ZCCHC3: variants seen among roughly 807,000 people sequenced by gnomAD.
The protein encoded by ZCCHC3 is zinc finger CCHC domain-containing protein 3.
ZCCHC3 carries 20 observed loss-of-function variants against 18.4 expected under a neutral mutation model. That is an observed-to-expected ratio of 1.09 (90% CI 0.76 to 1.58). The LOEUF (loss-of-function observed/expected upper bound fraction) is 1.58. Ranked by LOEUF, ZCCHC3 falls within the 40% of genes most tolerant of loss-of-function variation. The pLI, the probability that ZCCHC3 is intolerant of heterozygous loss-of-function variation, is 0.00. For missense variants in ZCCHC3, 548 were observed against 511.2 expected (o/e 1.07, Z -0.69); for synonymous variants, 310 against 232.7 (o/e 1.33, Z -3.02).
chr20:298,820 T>C lies in ZCCHC3; in HGVS notation c.*22T>C. ...CTAAACACCCGCCTGCCTGCCAGGGTGAACACACAGCCAGCTTATCCCTCT... is the reference window on the plus strand; with the variant it reads ...CTAAACACCCGCCTGCCTGCCAGGGCGAACACACAGCCAGCTTATCCCTCT... On this transcript the variant is annotated 3_prime_UTR_variant, in exon 1 of 1. Coordinates refer to ENST00000500893, the MANE Select transcript of ZCCHC3 (RefSeq NM_033089.7). The C allele has an allele frequency of 6.7e-7, 1 of 1,498,216 alleles. No individual in the cohort carries two copies. Among genetic ancestry groups the C allele is most frequent in the East Asian group, 2.4e-5 (1 of 42,302 alleles). The allele number at this position is 1,498,216 out of a possible 1,614,324, so 92.8% of individuals were successfully genotyped here. A position where few individuals can be genotyped will look rare whatever the true frequency, so the allele number is the denominator to read the frequency against.
Position 297,691 on chromosome 20 carries a change from C to A in ZCCHC3, c.105C>A (p.Arg35=). 7.3e-7 allele frequency: 1 copy of A among 1,365,140 alleles called. No individual in the cohort carries two copies. The highest frequency in any genetic ancestry group is 9.5e-7 in the Non-Finnish European group (1 of 1,056,658). The allele number at this position is 1,365,140 out of a possible 1,614,324, so 84.6% of individuals were successfully genotyped here. A position where few individuals can be genotyped will look rare whatever the true frequency, so the allele number is the denominator to read the frequency against. The change falls in exon 1 of 1, where the codon CGC becomes CGA. Residue 35 remains arginine, a synonymous_variant. Coordinates refer to ENST00000500893, the MANE Select transcript of ZCCHC3 (RefSeq NM_033089.7). The part of the protein sequence containing the change: ...AARGEEADGG[R]EKMGWAQVVK... The stretch of plus-strand genomic sequence containing the variant: ...GGGGCGAGGAGGCCGACGGCGGCCG[C>A]GAGAAGATGGGCTGGGCCCAGGTGG...
In ZCCHC3 at chr20:297,765, C is replaced by T; in HGVS notation, c.179C>T (p.Pro60Leu). The change falls in exon 1 of 1, where the codon CCG (proline) becomes CTG (leucine). Residue 60 changes from proline to leucine, a missense_variant. Pro to Leu is a moderately conservative substitution (Grantham distance 98). Transcript: ENST00000500893. ...GGCGAATTCCGCGAGCCGCGGCCGCCGCGGCGGGAGGAGGAAAGCGGCGGC... is the reference window on the plus strand; with the variant it reads ...GGCGAATTCCGCGAGCCGCGGCCGCTGCGGCGGGAGGAGGAAAGCGGCGGC... ...KKGEFREPRPPRREEESGGGG... is the reference protein window; with the variant it reads ...KKGEFREPRPLRREEESGGGG... The T allele has an allele frequency of 1.5e-6, 2 of 1,377,570 alleles. No individual in the cohort carries two copies. The highest frequency in any genetic ancestry group is 1.9e-6 in the Non-Finnish European group (2 of 1,060,054). 85.3% of individuals were successfully genotyped at this position (1,377,570 alleles called of 1,614,324 possible).
Position 297,756 on chromosome 20 carries a change from C to T in ZCCHC3, c.170C>T (p.Pro57Leu). The T allele has an allele frequency of 1.5e-6, 2 of 1,379,126 alleles. No homozygotes were observed. The highest frequency in any genetic ancestry group is 2.2e-4 in the Middle Eastern group (1 of 4,592). 85.4% of individuals were successfully genotyped at this position (1,379,126 alleles called of 1,614,324 possible). Residue 57 changes from proline to leucine, a missense_variant, in exon 1 of 1, where the codon CCG becomes CTG. Coordinates refer to ENST00000500893, the MANE Select transcript of ZCCHC3 (RefSeq NM_033089.7). ...GAGAAGAAGGGCGAATTCCGCGAGC[C>T]GCGGCCGCCGCGGCGGGAGGAGGAA... ...LAEKKGEFREPRPPRREEESG... is the reference protein window; with the variant it reads ...LAEKKGEFRELRPPRREEESG...
Position 298,923 on chromosome 20 carries a change from C to A in ZCCHC3, c.*125C>A. 1 of 1,123,626 alleles carries A rather than the reference C, an allele frequency of 8.9e-7. No homozygotes were observed. The highest frequency in any genetic ancestry group is 1.2e-6 in the Non-Finnish European group (1 of 832,210). The allele number at this position is 1,123,626 out of a possible 1,614,324, so 69.6% of individuals were successfully genotyped here. A position where few individuals can be genotyped will look rare whatever the true frequency, so the allele number is the denominator to read the frequency against. ...TTTTTAAAACCTACAAGAGACATCT[C>A]TCTATGCCTTCTTAAACCGAGTTTA... On this transcript the variant is annotated 3_prime_UTR_variant, in exon 1 of 1. Coordinates refer to ENST00000500893, the MANE Select transcript of ZCCHC3 (RefSeq NM_033089.7).
In ZCCHC3 at chr20:298,283, C is replaced by A; in HGVS notation, c.697C>A (p.Arg233=). ...GTTCCTACGCGTCTACGAGGAGAAG[C>A]GGGAGCAGGAGGACTGCTGGGAGAA... The part of the protein sequence containing the change: ...ALFLRVYEEK[R]EQEDCWENFV... The change falls in exon 1 of 1, where the codon CGG becomes AGG. Residue 233 remains arginine, a synonymous_variant. Transcript: ENST00000500893. 1 of 839,954 alleles carries A rather than the reference C, an allele frequency of 1.2e-6. No individual in the cohort carries two copies. The highest frequency in any genetic ancestry group is 2.1e-6 in the Non-Finnish European group (1 of 472,124). The allele number at this position is 839,954 out of a possible 1,614,324, so 52.0% of individuals were successfully genotyped here. A position where few individuals can be genotyped will look rare whatever the true frequency, so the allele number is the denominator to read the frequency against.
Position 297,955 on chromosome 20 carries a change from G to A in ZCCHC3, c.369G>A (p.Arg123=). The A allele has an allele frequency of 7.7e-7, 1 of 1,302,826 alleles. No individual in the cohort carries two copies. Among genetic ancestry groups the A allele is most frequent in the Non-Finnish European group, 9.7e-7 (1 of 1,030,520 alleles). The allele number at this position is 1,302,826 out of a possible 1,614,324, so 80.7% of individuals were successfully genotyped here. Residue 123 remains arginine, a synonymous_variant, in exon 1 of 1, where the codon AGG becomes AGA. Coordinates refer to ENST00000500893, the MANE Select transcript of ZCCHC3 (RefSeq NM_033089.7). ...KKKGAAEAGR[R]KKAEAAAAAM... ...AGGGCGCTGCGGAGGCGGGCAGGAG[G>A]AAGAAGGCCGAGGCGGCGGCGGCCG...
In ZCCHC3 at chr20:299,371, G is replaced by C. The variant is rs1439828532; in HGVS notation, c.*573G>C. On this transcript the variant is annotated 3_prime_UTR_variant, in exon 1 of 1. Coordinates refer to ENST00000500893, the MANE Select transcript of ZCCHC3 (RefSeq NM_033089.7). ...TTGTGAAACCAGTGTTGTTAGAAGT[G>C]TATATAATCTGAATCAATAAGCTCT... 1 of 167,102 alleles carries C rather than the reference G, an allele frequency of 6.0e-6. No homozygotes were observed. The highest frequency in any genetic ancestry group is 2.4e-5 in the African/African-American group (1 of 41,446). The allele number at this position is 167,102 out of a possible 1,614,324, so 10.4% of individuals were successfully genotyped here. A position where few individuals can be genotyped will look rare whatever the true frequency, so the allele number is the denominator to read the frequency against.
In ZCCHC3 at chr20:297,832, G is replaced by C; in HGVS notation, c.246G>C (p.Ala82=). 3 of 1,255,786 alleles carry C rather than the reference G, an allele frequency of 2.4e-6. No homozygotes were observed. Among genetic ancestry groups the C allele is most frequent in the Non-Finnish European group, 3.0e-6 (3 of 1,000,600 alleles). 77.8% of individuals were successfully genotyped at this position (1,255,786 alleles called of 1,614,324 possible). A position where few individuals can be genotyped will look rare whatever the true frequency, so the allele number is the denominator to read the frequency against. ...GGCTCGGCGGCCCCGCGGGCCTGGC[G>C]GCGCCGGACCTCGGCGACTTCCCAC... ...SAGLGGPAGL[A]APDLGDFPPA... The change falls in exon 1 of 1, where the codon GCG becomes GCC. Residue 82 remains alanine, a synonymous_variant. Coordinates refer to ENST00000500893, the MANE Select transcript of ZCCHC3 (RefSeq NM_033089.7).
chr20:297,632 C>T lies in ZCCHC3; in HGVS notation c.46C>T (p.Pro16Ser). Reference protein sequence around the residue: ...GAEEERKRGRPQLLPPARPAA... With the variant: ...GAEEERKRGRSQLLPPARPAA... ...GGAGGAAGAGAGGAAACGGGGGCGG[C>T]CGCAGCTTCTGCCCCCCGCGCGGCC... The change falls in exon 1 of 1, where the codon CCG (proline) becomes TCG (serine). Residue 16 changes from proline to serine, a missense_variant. By Grantham distance (74) the Pro-to-Ser change is moderately conservative (BLOSUM62 -1). Transcript: ENST00000500893. 1 of 1,380,044 alleles carries T rather than the reference C, an allele frequency of 7.2e-7. No homozygotes were observed. The highest frequency in any genetic ancestry group is 9.4e-7 in the Non-Finnish European group (1 of 1,064,490). 85.5% of individuals were successfully genotyped at this position (1,380,044 alleles called of 1,614,324 possible).
rs555704496 is a variant in ZCCHC3, at chr20:298,733, G to T, written c.1147G>T (p.Ala383Ser). The T allele has an allele frequency of 6.3e-7, 1 of 1,599,474 alleles. No individual in the cohort carries two copies. The highest frequency in any genetic ancestry group is 2.2e-5 in the East Asian group (1 of 44,820). Reference sequence around the variant, plus strand: ...CTGTGGCAAGCGAGGACACGCCTTTGCCCAGTGTCCCAAAGCAGTGCACAA... The same window carrying T: ...CTGTGGCAAGCGAGGACACGCCTTTTCCCAGTGTCCCAAAGCAGTGCACAA... Reference protein sequence around the residue: ...NLCGKRGHAFAQCPKAVHNSV... With the variant: ...NLCGKRGHAFSQCPKAVHNSV... The change falls in exon 1 of 1, where the codon GCC (alanine) becomes TCC (serine). Residue 383 changes from alanine to serine, a missense_variant. Coordinates refer to ENST00000500893, the MANE Select transcript of ZCCHC3 (RefSeq NM_033089.7).
chr20:297,901 C>T lies in ZCCHC3; in HGVS notation c.315C>T (p.Ala105=), dbSNP rs1246179302. The T allele has an allele frequency of 2.4e-6, 3 of 1,257,966 alleles. No homozygotes were observed. Among genetic ancestry groups the T allele is most frequent in the Non-Finnish European group, 3.0e-6 (3 of 1,002,296 alleles). The allele number at this position is 1,257,966 out of a possible 1,614,324, so 77.9% of individuals were successfully genotyped here. A position where few individuals can be genotyped will look rare whatever the true frequency, so the allele number is the denominator to read the frequency against. Residue 105 remains alanine (A), a synonymous_variant, in exon 1 of 1, where the codon GCC becomes GCT. Transcript: ENST00000500893. ...CGAAGGGCCGTCGGAGAGATCCGGC[C>T]GGCGAGGCGGTGGACCCCCGCAAAA... ...GDPKGRRRDP[A]GEAVDPRKKK...
chr20:298,879 A>G lies in ZCCHC3; in HGVS notation c.*81A>G. On this transcript the variant is annotated 3_prime_UTR_variant, in exon 1 of 1. Coordinates refer to ENST00000500893, the MANE Select transcript of ZCCHC3 (RefSeq NM_033089.7). ...AAAACTTTTTTTTAAACCATTTTTT[A>G]TCGTTTTTGAAGGAGATCTTTTTAA... 1 of 1,439,448 alleles carries G rather than the reference A, an allele frequency of 6.9e-7. No homozygotes were observed. The highest frequency in any genetic ancestry group is 9.2e-7 in the Non-Finnish European group (1 of 1,088,244). The allele number at this position is 1,439,448 out of a possible 1,614,324, so 89.2% of individuals were successfully genotyped here.
At position 297,816 on chromosome 20, in the gene ZCCHC3, G is replaced by A; in HGVS notation, c.230G>A (p.Gly77Asp). Residue 77 changes from glycine (G) to aspartate (D), a missense_variant, in exon 1 of 1, where the codon GGC (glycine) becomes GAC (aspartate). Gly to Asp is a moderately conservative substitution (Grantham distance 94). Coordinates refer to ENST00000500893, the MANE Select transcript of ZCCHC3 (RefSeq NM_033089.7). ...GGGGGSAGLG[G>D]PAGLAAPDLG... is the part of the protein sequence containing the mutation. ...GGTGGAGGGAGCGCCGGGCTCGGCG[G>A]CCCCGCGGGCCTGGCGGCGCCGGAC... The A allele has an allele frequency of 3.1e-6, 4 of 1,273,486 alleles. No homozygotes were observed. The highest frequency in any genetic ancestry group is 3.0e-5 in the South Asian group (1 of 33,624). 78.9% of individuals were successfully genotyped at this position (1,273,486 alleles called of 1,614,324 possible). A position where few individuals can be genotyped will look rare whatever the true frequency, so the allele number is the denominator to read the frequency against.
Position 298,716 on chromosome 20 carries a change from A to G in ZCCHC3, c.1130A>G (p.Lys377Arg). 1.9e-6 allele frequency: 3 copies of G among 1,607,932 alleles called. No homozygotes were observed. Among genetic ancestry groups the G allele is most frequent in the South Asian group, 1.1e-5 (1 of 90,252 alleles). Residue 377 changes from lysine to arginine, a missense_variant, in exon 1 of 1, where the codon AAG (lysine) becomes AGG (arginine). Lys to Arg is a conservative substitution (Grantham distance 26). Coordinates refer to ENST00000500893, the MANE Select transcript of ZCCHC3 (RefSeq NM_033089.7). ...RKGIVCNLCG[K>R]RGHAFAQCPK... ...GGCATCGTGTGCAACCTCTGTGGCA[A>G]GCGAGGACACGCCTTTGCCCAGTGT...
Position 299,305 on chromosome 20 carries a change from C to G in ZCCHC3, c.*507C>G, listed in dbSNP as rs2012707445. The G allele has an allele frequency of 6.0e-6, 1 of 167,500 alleles. No individual in the cohort carries two copies. The highest frequency in any genetic ancestry group is 1.5e-5 in the Non-Finnish European group (1 of 68,458). 10.4% of individuals were successfully genotyped at this position (167,500 alleles called of 1,614,324 possible). The stretch of plus-strand genomic sequence containing the variant: ...CTACCTTTTGCAGCTCTTCCCCTCC[C>G]TCATTTAATTTGCTGCTTTTAATCT... On this transcript the variant is annotated 3_prime_UTR_variant, in exon 1 of 1. Coordinates refer to ENST00000500893, the MANE Select transcript of ZCCHC3 (RefSeq NM_033089.7).
chr20:297,764 C>T lies in ZCCHC3; in HGVS notation c.178C>T (p.Pro60Ser). 3 of 1,376,916 alleles carry T rather than the reference C, an allele frequency of 2.2e-6. No homozygotes were observed. The highest frequency in any genetic ancestry group is 2.8e-6 in the Non-Finnish European group (3 of 1,059,656). The allele number at this position is 1,376,916 out of a possible 1,614,324, so 85.3% of individuals were successfully genotyped here. A position where few individuals can be genotyped will look rare whatever the true frequency, so the allele number is the denominator to read the frequency against. Residue 60 changes from proline to serine, a missense_variant, in exon 1 of 1, where the codon CCG (proline) becomes TCG (serine). Coordinates refer to ENST00000500893, the MANE Select transcript of ZCCHC3 (RefSeq NM_033089.7). ...KKGEFREPRPPRREEESGGGG... is the reference protein window; with the variant it reads ...KKGEFREPRPSRREEESGGGG... ...GGGCGAATTCCGCGAGCCGCGGCCGCCGCGGCGGGAGGAGGAAAGCGGCGG... is the reference window on the plus strand; with the variant it reads ...GGGCGAATTCCGCGAGCCGCGGCCGTCGCGGCGGGAGGAGGAAAGCGGCGG...
chr20:297,724 T>C lies in ZCCHC3; in HGVS notation c.138T>C (p.Asn46=). The part of the protein sequence containing the change: ...EKMGWAQVVK[N]LAEKKGEFRE... Reference sequence around the variant, plus strand: ...TGGGCTGGGCCCAGGTGGTGAAGAATCTAGCCGAGAAGAAGGGCGAATTCC... The same window carrying C: ...TGGGCTGGGCCCAGGTGGTGAAGAACCTAGCCGAGAAGAAGGGCGAATTCC... Residue 46 remains asparagine, a synonymous_variant, in exon 1 of 1, where the codon AAT becomes AAC. Coordinates refer to ENST00000500893, the MANE Select transcript of ZCCHC3 (RefSeq NM_033089.7). 7.3e-7 allele frequency: 1 copy of C among 1,376,410 alleles called. No individual in the cohort carries two copies. The highest frequency in any genetic ancestry group is 1.7e-5 in the South Asian group (1 of 58,444). 85.3% of individuals were successfully genotyped at this position (1,376,410 alleles called of 1,614,324 possible).
In ZCCHC3 at chr20:298,916, G is replaced by C; in HGVS notation, c.*118G>C. On this transcript the variant is annotated 3_prime_UTR_variant, in exon 1 of 1. Transcript: ENST00000500893. ...GGAGATCTTTTTAAAACCTACAAGAGACATCTCTCTATGCCTTCTTAAACC... is the reference window on the plus strand; with the variant it reads ...GGAGATCTTTTTAAAACCTACAAGACACATCTCTCTATGCCTTCTTAAACC... 1 of 1,209,350 alleles carries C rather than the reference G, an allele frequency of 8.3e-7. No individual in the cohort carries two copies. The allele number at this position is 1,209,350 out of a possible 1,614,324, so 74.9% of individuals were successfully genotyped here.
chr20:298,132 C>T lies in ZCCHC3; in HGVS notation c.546C>T (p.Asp182=), dbSNP rs750608026. 13 of 1,597,118 alleles carry T rather than the reference C, an allele frequency of 8.1e-6. No individual in the cohort carries two copies. The East Asian group carries it at 2.5e-4, about 30-fold the overall frequency. Residue 182 remains aspartate, a synonymous_variant, in exon 1 of 1, where the codon GAC becomes GAT. Coordinates refer to ENST00000500893, the MANE Select transcript of ZCCHC3 (RefSeq NM_033089.7). ...QGDEGACPTR[D]FVVGALILRS... ...ACGAGGGCGCCTGCCCGACCCGGGA[C>T]TTCGTGGTAGGAGCGCTTATCCTGC...
Sources: allele counts gnomAD v4.1 joint callset, GRCh38; gene constraint gnomAD v4.1.1; transcripts MANE v1.5; gene names NCBI Gene and HGNC (gene_info 2026-07-23, HGNC 2026-07-21).